PPM1E: variants seen among roughly 807,000 people sequenced by gnomAD.
PPM1E encodes the protein protein phosphatase, Mg2+/Mn2+ dependent 1E, also known as protein phosphatase 1E.
A neutral mutation model predicts 65.9 loss-of-function variants in PPM1E; 20 were observed. That is an observed-to-expected ratio of 0.30 (90% CI 0.21 to 0.44). PPM1E has a LOEUF of 0.44. Ranked by LOEUF, PPM1E falls within the 20% of genes least tolerant of loss-of-function variation. The pLI is 1.00. For synonymous variants in PPM1E, 352 were observed against 374.9 expected (o/e 0.94, Z 0.70); for missense variants, 713 against 953.1 (o/e 0.75, Z 3.32).
intron 1 of PPM1E, among the ~76,000 whole-genome samples, chr17:58,811,298 A>G (rs1306029221): frequency 6.6e-6 from 1 of 152,200 alleles, no homozygotes; most frequent in African/African-American, 2.4e-5. Context: ...TCTGGAATGG[A>G]CGGTGTTAAA....
At chr17:58,774,462 G>A (rs1245556919) in intron 1 of PPM1E, among the ~76,000 whole-genome samples, 1 of 152,090 alleles carries the variant, frequency 6.6e-6, no homozygotes, top group Non-Finnish European at 1.5e-5. Context: ...GCCATTTTCT[G>A]TGAATGCATG....
At chr17:58,910,653 G>A (rs950410636) in intron 1 of PPM1E, among the ~76,000 whole-genome samples, 2 of 152,176 alleles carry the variant, frequency 1.3e-5, no homozygotes, top group Non-Finnish European at 2.9e-5. Context: ...AACTAGTCCT[G>A]TAATTAGACT....
At chr17:58,815,412 G>A (rs2050405573) in intron 1 of PPM1E, among the ~76,000 whole-genome samples, 1 of 152,170 alleles carries the variant, frequency 6.6e-6, no homozygotes, top group East Asian at 1.9e-4. Context: ...ATATGGTCCT[G>A]ATTTTGGTAC....
chr17:58,793,031 AGCCATTAC>A (rs2050171660), intron 1 of PPM1E, among the ~76,000 whole-genome samples: 1 of 151,970 alleles, frequency 6.6e-6, no homozygotes, highest in African/African-American at 2.4e-5. Flanking sequence ...TACAGGCATG[AGCCATTAC>A]GCCCAGCCGA....
At chr17:58,930,716 A>C (rs2051883160) in intron 1 of PPM1E, among the ~76,000 whole-genome samples, 2 of 152,250 alleles carry the variant, frequency 1.3e-5, no homozygotes, top group South Asian at 4.1e-4. Context: ...GAGAATACAC[A>C]CTTCTGGAAA....
At chr17:58,969,243 A>G (rs1378140132) in intron 3 of PPM1E, among the ~76,000 whole-genome samples, 1 of 152,128 alleles carries the variant, frequency 6.6e-6, no homozygotes, top group African/African-American at 2.4e-5. Flanking sequence ...AAGCAAATGT[A>G]CGTGGGTGGT....
intron 1 of PPM1E, among the ~76,000 whole-genome samples, chr17:58,946,434 C>T (rs1205888914): frequency 6.6e-6 from 1 of 152,008 alleles, no homozygotes; most frequent in Non-Finnish European, 1.5e-5. Context: ...ATTTGGGATA[C>T]CAGTCTCATT....
rs1206436911 is a variant in PPM1E at position 58,785,681 on chromosome 17, C to T, written c.464+29220C>T. The T allele has an allele frequency of 3.3e-5, 5 of 151,414 alleles. No homozygotes were observed. In the South Asian group the frequency reaches 6.3e-4, roughly 19 times the overall value. The allele number at this position is 151,414 out of a possible 1,614,324, so 9.4% of individuals were successfully genotyped here. ...AGGAGAGAAAGTACAGTAACCACGA[C>T]CCCCCCAGTCTTAGGGGGATGCGTT... is the stretch of plus-strand genomic sequence containing the variant. On this transcript the variant is annotated intron_variant, in intron 1 of 6. Transcript: ENST00000308249.
At chr17:58,760,675 T>C (rs1266482063) in intron 1 of PPM1E, among the ~76,000 whole-genome samples, 1 of 152,186 alleles carries the variant, frequency 6.6e-6, no homozygotes, top group East Asian at 1.9e-4. Flanking sequence ...CTCTGCCAAG[T>C]CTGCTCAAGA....
chr17:58,822,867 T>C (rs1247387835), intron 1 of PPM1E, among the ~76,000 whole-genome samples: 3 of 152,188 alleles, frequency 2.0e-5, no homozygotes, highest in Admixed American at 2.0e-4. Context: ...AGAGAATAGA[T>C]TGTAATAGAT....
intron 1 of PPM1E, among the ~76,000 whole-genome samples, chr17:58,762,439 G>A (rs532326977): frequency 6.6e-6 from 1 of 151,942 alleles, no homozygotes; most frequent in East Asian, 1.9e-4. Context: ...CTCCAGCCTG[G>A]GTAACAGAGT....
At chr17:58,896,133 A>G (rs1598635985) in intron 1 of PPM1E, among the ~76,000 whole-genome samples, 2 of 151,772 alleles carry the variant, frequency 1.3e-5, no homozygotes, top group African/African-American at 2.4e-5. Flanking sequence ...AAGAAAAAGA[A>G]AAAGAAAAAG....
intron 1 of PPM1E, among the ~76,000 whole-genome samples, chr17:58,817,469 G>C (rs921508321): frequency 6.6e-6 from 1 of 152,116 alleles, no homozygotes; most frequent in Non-Finnish European, 1.5e-5. Context: ...TTCATAAATT[G>C]TTATCATTTG....
Position 58,972,915 on chromosome 17 carries a change from C to T in PPM1E, c.1200C>T (p.Ser400=). Residue 400 remains serine, a synonymous_variant, in exon 6 of 7, where the codon TCC becomes TCT. Transcript: ENST00000308249. ...AWRVNGSLSV[S]RAIGDAEHKP... ...GGGTGAATGGAAGTCTGTCGGTTTC[C>T]AGAGCTATTGGTAGGAAAAACAAAT... 6.2e-7 allele frequency: 1 copy of T among 1,612,630 alleles called. No individual in the cohort carries two copies.
At chr17:58,775,915 C>T (rs1167483188) in intron 1 of PPM1E, among the ~76,000 whole-genome samples, 9 of 81,292 alleles carry the variant, frequency 1.1e-4, no homozygotes, top group Admixed American at 9.0e-4. Context: ...AGCGAGACTC[C>T]GTCTCAAAAA....
intron 1 of PPM1E, among the ~76,000 whole-genome samples, chr17:58,945,636 G>T (rs1467575994): frequency 6.6e-6 from 1 of 152,142 alleles, no homozygotes; most frequent in Non-Finnish European, 1.5e-5. Context: ...TAAAAGTCTG[G>T]ACCTCCCAAA....
rs1908813730 is a variant in PPM1E at position 58,955,159 on chromosome 17, G to A, written c.465-490G>A. ...GTGGGCGGATCACCTGAGGTTGGGA[G>A]TTCAAGACCAGCCTGACCAACATGG... is the stretch of plus-strand genomic sequence containing the variant. On this transcript the variant is annotated intron_variant, in intron 1 of 6. Transcript: ENST00000308249. Among the ~76,000 whole-genome samples the A allele has an allele frequency of 5.3e-5, 8 of 152,258 alleles. No individual in the cohort carries two copies. In the South Asian group the frequency reaches 1.7e-3, roughly 32 times the overall value.
intron 1 of PPM1E, among the ~76,000 whole-genome samples, chr17:58,822,521 T>C (rs1282585654): frequency 6.6e-6 from 1 of 152,130 alleles, no homozygotes; most frequent in Non-Finnish European, 1.5e-5. Context: ...TGTTGGAAGA[T>C]TGGAGCCAGT....
intron 1 of PPM1E, among the ~76,000 whole-genome samples, chr17:58,774,360 GCAAATTTTTCTTTAT>G (rs1386037729): frequency 2.6e-5 from 4 of 152,082 alleles, no homozygotes; most frequent in Non-Finnish European, 5.9e-5. Flanking sequence ...TATTTTCAGT[GCAAATTTTTCTTTAT>G]CACAGGACCA....
Sources: gnomAD v4.1 joint callset for allele counts (sites outside exome capture counted in the v4.1 genomes callset) on GRCh38, gnomAD v4.1.1 for gene constraint, MANE v1.5 for transcripts, NCBI Gene and HGNC (gene_info 2026-07-23, HGNC 2026-07-21) for gene names.